The following MAP3K2 variants were observed in gnomAD, a reference collection of about 807,000 sequenced individuals.
MAP3K2 encodes the protein mitogen-activated protein kinase kinase kinase 2.
A neutral mutation model predicts 80.3 loss-of-function variants in MAP3K2; 24 were observed. That is an observed-to-expected ratio of 0.30 (90% CI 0.22 to 0.42). MAP3K2 has a LOEUF of 0.42. Ranked by LOEUF, MAP3K2 falls within the 10% of genes least tolerant of loss-of-function variation. The pLI, the probability that MAP3K2 is intolerant of heterozygous loss-of-function variation, is 1.00. For missense variants in MAP3K2, 608 were observed against 750.1 expected, an observed-to-expected ratio of 0.81 and a Z score of 2.21; for synonymous variants, 244 against 253.7, an observed-to-expected ratio of 0.96 and a Z score of 0.36.
At chr2:127,345,470 G>A (rs1686580466) in intron 1 of MAP3K2, among the ~76,000 whole-genome samples, 1 of 152,190 alleles carries the variant, frequency 6.6e-6, no homozygotes, top group African/African-American at 2.4e-5. Flanking sequence ...GATAAAATAA[G>A]TAGACAGAAA....
chr2:127,382,063 T>C (rs1226745545), intron 1 of MAP3K2, among the ~76,000 whole-genome samples: 2 of 152,198 alleles, frequency 1.3e-5, no homozygotes, highest in Non-Finnish European at 1.5e-5. Context: ...CAAAAAGCCT[T>C]AACAACTAAA....
At chr2:127,388,414 T>G, upstream of MAP3K2, 8 of 985,400 alleles carry the variant, frequency 8.1e-6, no homozygotes, top group Non-Finnish European at 9.6e-6. Context: ...GCCGTCTGCC[T>G]CTTAATTTGT....
intron 2 of MAP3K2, among the ~76,000 whole-genome samples, chr2:127,341,108 G>A (rs1686474121): frequency 1.3e-5 from 2 of 151,742 alleles, no homozygotes; most frequent in South Asian, 4.2e-4. Context: ...TCCTGCCTCA[G>A]CCTCCCGAGT....
intron 8 of MAP3K2, among the ~76,000 whole-genome samples, chr2:127,326,328 T>C (rs1321954681): frequency 1.1e-5 from 1 of 90,342 alleles, no homozygotes; most frequent in Non-Finnish European, 2.5e-5. Flanking sequence ...ATTTTTTAAA[T>C]GTTTCAGAAA....
At chr2:127,336,919 T>A (rs1223403071) in intron 4 of MAP3K2, among the ~76,000 whole-genome samples, 1 of 152,126 alleles carries the variant, frequency 6.6e-6, no homozygotes, top group Non-Finnish European at 1.5e-5. Flanking sequence ...GGCGGGTGGA[T>A]CATCTGAGGT....
chr2:127,325,192 T>A (rs1462171870), intron 9 of MAP3K2, among the ~76,000 whole-genome samples: 1 of 152,198 alleles, frequency 6.6e-6, no homozygotes, highest in African/African-American at 2.4e-5. Context: ...CAAACTATTA[T>A]AATCAGATTT....
intron 1 of MAP3K2, 76 bp from the exon 2 acceptor site, chr2:127,343,270 G>A (rs574281414): frequency 1.6e-6 from 1 of 620,822 alleles, no homozygotes; most frequent in South Asian, 2.4e-5. Context: ...AAAAAAGTCA[G>A]TTTAAATAAT....
intron 1 of MAP3K2, among the ~76,000 whole-genome samples, chr2:127,346,264 C>G (rs1483565884): frequency 6.6e-6 from 1 of 151,246 alleles, no homozygotes. Context: ...AACAAATTAT[C>G]AAAATCGACT....
chr2:127,365,282 A>G (rs1328535196), intron 1 of MAP3K2, among the ~76,000 whole-genome samples: 2 of 152,028 alleles, frequency 1.3e-5, no homozygotes, highest in Non-Finnish European at 2.9e-5. Context: ...GGGCTTAGAG[A>G]GCTTAAGCAA....
chr2:127,353,855 G>C (rs1355458491), intron 1 of MAP3K2, among the ~76,000 whole-genome samples: 1 of 151,998 alleles, frequency 6.6e-6, no homozygotes, highest in Non-Finnish European at 1.5e-5. Context: ...TGTCTGTGTA[G>C]AAAGAAGTAG....
intron 2 of MAP3K2, among the ~76,000 whole-genome samples, chr2:127,340,034 A>C (rs1686446190): frequency 6.6e-6 from 1 of 152,182 alleles, no homozygotes; most frequent in African/African-American, 2.4e-5. Flanking sequence ...TCTCAAACAC[A>C]CAAACAGCTG....
chr2:127,385,760 G>C (rs374965730), intron 1 of MAP3K2, among the ~76,000 whole-genome samples: 2 of 87,620 alleles, frequency 2.3e-5, no homozygotes, highest in African/African-American at 8.0e-5. Context: ...CAACGCTGTA[G>C]GAAATGCAGA....
intron 1 of MAP3K2, among the ~76,000 whole-genome samples, chr2:127,382,244 T>G (rs1257566699): frequency 6.6e-6 from 1 of 152,176 alleles, no homozygotes. Flanking sequence ...TGTAAGAAAA[T>G]GTCCTTAACT....
intron 1 of MAP3K2, among the ~76,000 whole-genome samples, chr2:127,358,545 T>TA (rs1269689978): frequency 1.3e-5 from 2 of 152,192 alleles, no homozygotes; most frequent in Non-Finnish European, 2.9e-5. Flanking sequence ...AGTGAGCAGA[T>TA]AAAGTGTGGC....
chr2:127,326,465 T>C (rs768760646), intron 8 of MAP3K2, among the ~76,000 whole-genome samples: 1 of 152,196 alleles, frequency 6.6e-6, no homozygotes, highest in Non-Finnish European at 1.5e-5. Context: ...CTCTCATTCA[T>C]TCACTTATTG....
rs112922811 is a variant in MAP3K2 at position 127,347,054 on chromosome 2, C to T, written c.-65-3860G>A. 3.5e-3 allele frequency among the ~76,000 whole-genome samples: 532 copies of T among 151,892 alleles called. 2 individuals are homozygous for T. Among genetic ancestry groups the T allele is most frequent in the Non-Finnish European group, 5.7e-3 (389 of 67,946 alleles). On this transcript the variant is annotated intron_variant, in intron 1 of 16. Transcript: ENST00000682094. The stretch of plus-strand genomic sequence containing the variant: ...AAATCATCTCAAAACATACAGAAAA[C>T]ACATGTGCCAAAATTCAACACCCTT...
At chr2:127,332,324 T>G (rs1259028419) in intron 5 of MAP3K2, among the ~76,000 whole-genome samples, 1 of 152,258 alleles carries the variant, frequency 6.6e-6, no homozygotes, top group Non-Finnish European at 1.5e-5. Flanking sequence ...TACTTACTTT[T>G]ATTATTCATT....
chr2:127,323,791 A>C, intron 11 of MAP3K2, 111 bp downstream of exon 11: 1 of 480,716 alleles, frequency 2.1e-6, no homozygotes, highest in Middle Eastern at 5.5e-4. Context: ...ACAATTCCTC[A>C]TATTTTTCTA....
In MAP3K2 at chr2:127,339,164, AT is replaced by A. The variant is rs1686429945; in HGVS notation, c.5-115del. 7 of 631,872 alleles carry A rather than the reference AT, an allele frequency of 1.1e-5. 1 individual carries two copies. Among genetic ancestry groups the A allele is most frequent in the African/African-American group, 1.8e-5 (1 of 54,094 alleles). The allele number at this position is 631,872 out of a possible 1,614,324, so 39.1% of individuals were successfully genotyped here. ...AAAATTTGATGTAGAGAATGTATTA[AT>A]GCAAAAATGCATCTAGAACATTTTT... is the stretch of plus-strand genomic sequence containing the variant. On this transcript the variant is annotated intron_variant, in intron 2 of 16. Transcript: ENST00000682094. The surrounding 1 kb of genome is among the most constrained non-coding windows in gnomAD (Gnocchi z 4.2).
Sources: gnomAD v4.1 joint callset for allele counts (sites outside exome capture counted in the v4.1 genomes callset) on GRCh38, gnomAD v4.1.1 for gene constraint, Gnocchi (gnomAD v3.1) non-coding constraint, MANE v1.5 for transcripts, NCBI Gene and HGNC (gene_info 2026-07-23, HGNC 2026-07-21) for gene names.